UGGT2: variants seen among roughly 807,000 people sequenced by gnomAD.
UGGT2 encodes the protein UDP-glucose glycoprotein glucosyltransferase 2, also known as UDP-glucose:glycoprotein glucosyltransferase 2.
Under a neutral mutation model 192.1 loss-of-function variants are expected in UGGT2, and 180 were observed. That is an observed-to-expected ratio of 0.94 (90% confidence interval 0.83 to 1.06). The LOEUF (loss-of-function observed/expected upper bound fraction) is 1.06, where lower values mean the gene tolerates loss of function less well. Among genes scored for constraint, UGGT2 ranks in the 50% least tolerant of loss-of-function variants. UGGT2 has a pLI of 0.00. For synonymous variants in UGGT2, 580 were observed against 591.0 expected, an observed-to-expected ratio of 0.98 and a Z score of 0.27; for missense variants, 1,849 against 1,795.7, an observed-to-expected ratio of 1.03 and a Z score of -0.54.
intron 20 of UGGT2, among the ~76,000 whole-genome samples, chr13:95,904,363 A>G (rs2048208501): frequency 6.6e-6 from 1 of 151,748 alleles, no homozygotes. Flanking sequence ...TTACATATGT[A>G]TACATGTGCC....
intron 27 of UGGT2, 152 bp from the exon 28 acceptor site, chr13:95,878,008 T>A: frequency 2.6e-6 from 2 of 778,768 alleles, no homozygotes; most frequent in Non-Finnish European, 3.9e-6. Context: ...ATTCATGAGT[T>A]GAACTGATTT....
At chr13:95,821,490 G>C (rs1885509649) in intron 38 of UGGT2, among the ~76,000 whole-genome samples, 1 of 152,076 alleles carries the variant, frequency 6.6e-6, no homozygotes, top group Admixed American at 6.6e-5. Context: ...TCCTTTGTTA[G>C]ATGCATAGTT....
In UGGT2 at chr13:95,887,303, G is replaced by A. The variant is rs564901449; in HGVS notation, c.3038+589C>T. The A allele has an allele frequency of 1.2e-5, 6 of 516,314 alleles. No individual in the cohort carries two copies. The East Asian group carries it at 2.7e-4, about 23-fold the overall frequency. The allele number at this position is 516,314 out of a possible 1,614,324, so 32.0% of individuals were successfully genotyped here. ...TTTCTGCCCAATGACACATGAAGGA[G>A]AACTGAATATTCCCATCAATAAGAA... On this transcript the variant is annotated intron_variant, in intron 26 of 38. Transcript: ENST00000376747.
At chr13:95,816,200 T>C (rs1172559373) in intron 38 of UGGT2, among the ~76,000 whole-genome samples, 1 of 152,208 alleles carries the variant, frequency 6.6e-6, no homozygotes. Context: ...ACTAATATTA[T>C]AATTAGTCTG....
At chr13:95,874,664 T>C (rs1891507508) in intron 29 of UGGT2, among the ~76,000 whole-genome samples, 1 of 151,970 alleles carries the variant, frequency 6.6e-6, no homozygotes, top group Non-Finnish European at 1.5e-5. Flanking sequence ...TCCCCTTTTC[T>C]CCCCTTCCTC....
At chr13:95,911,640 G>T (rs976563270) in intron 20 of UGGT2, among the ~76,000 whole-genome samples, 1 of 152,076 alleles carries the variant, frequency 6.6e-6, no homozygotes, top group Admixed American at 6.6e-5. Context: ...ATTCACAGCC[G>T]AATTCTACAA....
chr13:95,877,929 GT>G (rs1326048792), intron 27 of UGGT2, 73 bp from the exon 28 acceptor site: 1 of 1,425,958 alleles, frequency 7.0e-7, no homozygotes, highest in Non-Finnish European at 9.4e-7. Flanking sequence ...ATAAATAAAT[GT>G]GATTATTTTA....
At chr13:95,807,944 C>T (rs1388219567) in intron 38 of UGGT2, among the ~76,000 whole-genome samples, 3 of 151,948 alleles carry the variant, frequency 2.0e-5, no homozygotes, top group Non-Finnish European at 2.9e-5. Flanking sequence ...TCTTCCACGG[C>T]ACTGACAATC....
intron 15 of UGGT2, among the ~76,000 whole-genome samples, chr13:95,945,944 C>T (rs571367455): frequency 6.6e-6 from 1 of 151,974 alleles, no homozygotes; most frequent in African/African-American, 2.4e-5. Context: ...TTTGGAAATT[C>T]CTTTCTCAGT....
At position 95,904,856 on chromosome 13, in the gene UGGT2, C is replaced by T. The variant is rs537538383; in HGVS notation, c.2296-1796G>A. ...AAATGGTATTTCTAGTTCTAGATCC[C>T]TGAGGAATCGCCACACTGACTTCCA... On this transcript the variant is annotated intron_variant, in intron 20 of 38. Coordinates refer to ENST00000376747, the MANE Select transcript of UGGT2 (RefSeq NM_020121.4). 4.7e-3 allele frequency among the ~76,000 whole-genome samples: 705 copies of T among 151,396 alleles called. 5 individuals carry two copies. Among genetic ancestry groups the T allele is most frequent in the Middle Eastern group, 0.017 (5 of 294 alleles).
chr13:95,861,628 T>C (rs1890179003), intron 31 of UGGT2, among the ~76,000 whole-genome samples: 1 of 152,174 alleles, frequency 6.6e-6, no homozygotes, highest in African/African-American at 2.4e-5. Context: ...AATTCATCTT[T>C]TTCTTCCTAA....
At chr13:95,850,434 C>T (rs1430274232) in intron 36 of UGGT2, among the ~76,000 whole-genome samples, 1 of 152,158 alleles carries the variant, frequency 6.6e-6, no homozygotes, top group African/African-American at 2.4e-5. Context: ...TCATGTTAAA[C>T]AGCCACCAGA....
intron 1 of UGGT2, among the ~76,000 whole-genome samples, chr13:96,051,640 GA>G (rs35625477): frequency 4.8e-5 from 7 of 145,712 alleles, no homozygotes; most frequent in East Asian, 2.0e-4. Flanking sequence ...AAATCAGCAG[GA>G]AAAAAAAAAC....
At chr13:95,989,630 A>C (rs866362060) in intron 8 of UGGT2, 2 of 348,982 alleles carry the variant, frequency 5.7e-6, no homozygotes, top group Admixed American at 3.2e-5. Context: ...ACCAAGATTA[A>C]GTTTCATTTT....
At chr13:95,990,632 T>G (rs1196700073) in intron 7 of UGGT2, 3 of 152,212 alleles carry the variant, frequency 2.0e-5, no homozygotes, top group Non-Finnish European at 4.4e-5. Flanking sequence ...TTCTTTCCTC[T>G]ATCACTCATG....
intron 25 of UGGT2, 51 bp downstream of exon 25, chr13:95,890,811 A>C (rs754807747): frequency 4.3e-5 from 61 of 1,433,704 alleles, no homozygotes; most frequent in Non-Finnish European, 5.7e-5. Context: ...AGACTTGAAA[A>C]AATTATGAAT....
intron 5 of UGGT2, 128 bp downstream of exon 5, chr13:96,013,179 T>C: frequency 1.1e-6 from 1 of 911,312 alleles, no homozygotes; most frequent in Middle Eastern, 3.4e-4. Context: ...GAAATTCACA[T>C]TTGTTAAGTT....
intron 20 of UGGT2, among the ~76,000 whole-genome samples, chr13:95,904,790 T>C (rs1209316709): frequency 6.6e-6 from 1 of 152,090 alleles, no homozygotes; most frequent in Non-Finnish European, 1.5e-5. Flanking sequence ...CCATGATTTA[T>C]AGTCCTTTGG....
chr13:95,806,807 T>C (rs928714352), intron 38 of UGGT2, among the ~76,000 whole-genome samples: 3 of 152,066 alleles, frequency 2.0e-5, no homozygotes, highest in East Asian at 1.9e-4. Context: ...CTCTAACAAA[T>C]TGTTCTGGGA....
Sources: allele counts gnomAD v4.1 joint callset (sites outside exome capture counted in the v4.1 genomes callset), GRCh38; gene constraint gnomAD v4.1.1; transcripts MANE v1.5; gene names NCBI Gene and HGNC (gene_info 2026-07-23, HGNC 2026-07-21).